Variants in SANBR observed in about 807,000 individuals in gnomAD.
The protein encoded by SANBR is SANT and BTB domain regulator of class switch recombination.
A neutral mutation model predicts 101.8 loss-of-function variants in SANBR; 77 were observed. That is an observed-to-expected ratio of 0.76 (90% CI 0.63 to 0.91). The LOEUF (loss-of-function observed/expected upper bound fraction) is 0.91, where lower values mean the gene tolerates loss of function less well. SANBR is among the 40% of genes least tolerant of loss of function. The pLI is 0.00. For missense variants in SANBR, 875 were observed against 853.0 expected (o/e 1.03, Z -0.32); for synonymous variants, 279 against 274.7 (o/e 1.02, Z -0.15).
intron 16 of SANBR, 66 bp from the exon 17 acceptor site, chr2:61,115,913 G>C: frequency 2.2e-6 from 2 of 921,878 alleles, no homozygotes; most frequent in Non-Finnish European, 3.4e-6. Flanking sequence ...TTATTGTTTA[G>C]AAGTAACAAG....
intron 21 of SANBR, among the ~76,000 whole-genome samples, chr2:61,136,128 A>T (rs1049718364): frequency 2.0e-5 from 3 of 151,930 alleles, no homozygotes; most frequent in Non-Finnish European, 2.9e-5. Flanking sequence ...AACATGGTGA[A>T]ACCTGTCTCT....
intron 13 of SANBR, among the ~76,000 whole-genome samples, chr2:61,105,929 C>T (rs1307886401): frequency 6.6e-6 from 1 of 151,452 alleles, no homozygotes; most frequent in Non-Finnish European, 1.5e-5. Context: ...CTCGGCCTCG[C>T]AAAGTGCTGG....
intron 13 of SANBR, among the ~76,000 whole-genome samples, chr2:61,105,209 C>A (rs146654482): frequency 6.6e-6 from 1 of 151,928 alleles, no homozygotes; most frequent in Admixed American, 6.6e-5. Flanking sequence ...GGTGAAACCC[C>A]GTCTGTACTA....
downstream of SANBR, among the ~76,000 whole-genome samples, chr2:61,124,664 C>A (rs1684461065): frequency 6.6e-6 from 1 of 151,492 alleles, no homozygotes; most frequent in Admixed American, 6.6e-5. Context: ...CATGATTGTG[C>A]CACTGCACTC....
chr2:61,078,542 C>T (rs1347407690), intron 6 of SANBR, among the ~76,000 whole-genome samples: 1 of 152,018 alleles, frequency 6.6e-6, no homozygotes, highest in Non-Finnish European at 1.5e-5. Context: ...CTGCCTCAGC[C>T]TCCCGAGTAG....
At chr2:61,136,367 G>T (rs768961339) in intron 21 of SANBR, among the ~76,000 whole-genome samples, 3 of 151,774 alleles carry the variant, frequency 2.0e-5, no homozygotes, top group Non-Finnish European at 4.4e-5. Context: ...AAGCGCAGTG[G>T]CTCACGCCTG....
Position 61,117,925 on chromosome 2 carries a change from A to G in SANBR, c.1940-103A>G, listed in dbSNP as rs1187995389. The G allele has an allele frequency of 3.6e-6, 3 of 834,416 alleles. No homozygotes were observed. In the Admixed American group the frequency reaches 8.3e-5, roughly 23 times the overall value. The allele number at this position is 834,416 out of a possible 1,614,324, so 51.7% of individuals were successfully genotyped here. ...TGTATGTGTCTGTAAAATAGTATCA[A>G]AGGATATTTTCATAAACCCTAGGTG... On this transcript the variant is annotated intron_variant, in intron 19 of 21. Transcript: ENST00000402291.
intron 14 of SANBR, among the ~76,000 whole-genome samples, chr2:61,107,885 C>CAA (rs372947000): frequency 8.2e-6 from 1 of 121,310 alleles, no homozygotes. Context: ...GACTCTGTCT[C>CAA]AAAAAAAAAA....
intron 21 of SANBR, among the ~76,000 whole-genome samples, chr2:61,135,891 A>G (rs778252358): frequency 1.3e-5 from 2 of 152,260 alleles, no homozygotes; most frequent in Non-Finnish European, 2.9e-5. Context: ...GATGCTCTTC[A>G]GTGCCAGAAT....
Position 61,122,419 on chromosome 2 carries a change from CA to C in SANBR, c.*258del. 1.7e-6 allele frequency: 2 copies of C among 1,188,150 alleles called. No individual in the cohort carries two copies. Among genetic ancestry groups the C allele is most frequent in the Non-Finnish European group, 2.1e-6 (2 of 959,656 alleles). 73.6% of individuals were successfully genotyped at this position (1,188,150 alleles called of 1,614,324 possible). ...TAGAAAGCAATTATTTACAAATTTG[CA>C]TAGTTGAGACTCCCAGTGTTTTCCT... On this transcript the variant is annotated 3_prime_UTR_variant, in exon 22 of 22. Transcript: ENST00000402291.
rs191709998 is a variant in SANBR at position 61,112,157 on chromosome 2, A to G, written c.1744+2861A>G. 1.7e-3 allele frequency among the ~76,000 whole-genome samples: 259 copies of G among 152,300 alleles called. 1 individual carries two copies. Among genetic ancestry groups the G allele is most frequent in the African/African-American group, 6.1e-3 (255 of 41,556 alleles). On this transcript the variant is annotated intron_variant, in intron 16 of 21. Coordinates refer to ENST00000402291, the MANE Select transcript of SANBR (RefSeq NM_001129993.3). ...TGCAAAGTGGCCGTTTTGCATCTCT[A>G]CAAGCAGTGGAGCAGTCCCACCACT...
intron 14 of SANBR, among the ~76,000 whole-genome samples, chr2:61,106,912 C>A (rs1283321481): frequency 1.3e-5 from 2 of 152,120 alleles, no homozygotes; most frequent in African/African-American, 2.4e-5. Context: ...GACCTGTAAT[C>A]CCAGCACTTT....
chr2:61,136,221 T>G (rs143140688), intron 21 of SANBR, among the ~76,000 whole-genome samples: 1 of 150,634 alleles, frequency 6.6e-6, no homozygotes, highest in East Asian at 1.9e-4. Context: ...GGAGAATCAC[T>G]TGAACCTGGA....
At chr2:61,095,676 C>T (rs1288558483) in intron 11 of SANBR, among the ~76,000 whole-genome samples, 1 of 152,132 alleles carries the variant, frequency 6.6e-6, no homozygotes, top group Non-Finnish European at 1.5e-5. Context: ...GGACCCTATT[C>T]AGGTTTCCCC....
At chr2:61,087,127 A>ACTAAC (rs1364263602) in intron 8 of SANBR, among the ~76,000 whole-genome samples, 1 of 152,192 alleles carries the variant, frequency 6.6e-6, no homozygotes, top group Non-Finnish European at 1.5e-5. Context: ...GATTGGACAT[A>ACTAAC]CTAACCACAC....
Position 61,071,759 on chromosome 2 carries a change from A to T in SANBR, c.304A>T (p.Thr102Ser). Residue 102 changes from threonine (T) to serine (S), a missense_variant, in exon 4 of 22, where the codon ACT becomes TCT. Transcript: ENST00000402291. ...LLDIHGEFQE[T>S]PVGHDAVSKT... is the part of the protein sequence containing the mutation. The stretch of plus-strand genomic sequence containing the variant: ...TGACATACATGGAGAATTTCAGGAG[A>T]CTCCAGTTGGACATGATGCAGTTTC... 1.2e-6 allele frequency: 2 copies of T among 1,602,170 alleles called. No individual in the cohort carries two copies. The highest frequency in any genetic ancestry group is 1.7e-6 in the Non-Finnish European group (2 of 1,176,666).
intron 21 of SANBR, among the ~76,000 whole-genome samples, chr2:61,136,550 AC>A (rs1394603975): frequency 6.6e-6 from 1 of 151,344 alleles, no homozygotes; most frequent in East Asian, 1.9e-4. Context: ...AATCACTTGA[AC>A]CCGGGAGGCA....
chr2:61,104,293 T>C (rs997098084), intron 13 of SANBR, among the ~76,000 whole-genome samples: 60 of 151,810 alleles, frequency 4.0e-4, no homozygotes, highest in Non-Finnish European at 7.8e-4. Context: ...GCATCCTGGC[T>C]AACACAGTGA....
At chr2:61,127,563 G>A (rs1459236874), downstream of SANBR, among the ~76,000 whole-genome samples, 1 of 152,156 alleles carries the variant, frequency 6.6e-6, no homozygotes, top group Admixed American at 6.5e-5. Flanking sequence ...GTTTTATGGG[G>A]AAGATGCTAT....
Sources: gnomAD v4.1 joint callset for allele counts (sites outside exome capture counted in the v4.1 genomes callset) on GRCh38, gnomAD v4.1.1 for gene constraint, MANE v1.5 for transcripts, NCBI Gene and HGNC (gene_info 2026-07-23, HGNC 2026-07-21) for gene names.